VPS13B: variants seen among roughly 807,000 people sequenced by gnomAD.
VPS13B encodes vacuolar protein sorting 13 homolog B.
A neutral mutation model predicts 426.4 loss-of-function variants in VPS13B; 285 were observed. That is an observed-to-expected ratio of 0.67 (90% CI 0.61 to 0.74). The LOEUF is 0.74. Among genes scored for constraint, VPS13B ranks in the 30% least tolerant of loss-of-function variants. The pLI, the probability that VPS13B is intolerant of heterozygous loss-of-function variation, is 0.00. For synonymous variants in VPS13B, 1,676 were observed against 1,676.4 expected, an observed-to-expected ratio of 1.00 and a Z score of 0.01; for missense variants, 4,537 against 4,782.6, an observed-to-expected ratio of 0.95 and a Z score of 1.51.
intron 3 of VPS13B, among the ~76,000 whole-genome samples, chr8:99,076,463 C>T (rs1779414580): frequency 1.3e-5 from 2 of 152,056 alleles, no homozygotes; most frequent in Admixed American, 6.5e-5. Flanking sequence ...TATTCAAATG[C>T]CCCACTATTA....
intron 44 of VPS13B, among the ~76,000 whole-genome samples, chr8:99,813,730 T>C (rs1813861653): frequency 6.6e-6 from 1 of 152,224 alleles, no homozygotes; most frequent in African/African-American, 2.4e-5. Context: ...AATAAGCAGA[T>C]AGTTGAGAAA....
chr8:99,790,085 A>G (rs1812467178), intron 43 of VPS13B, among the ~76,000 whole-genome samples: 1 of 152,166 alleles, frequency 6.6e-6, no homozygotes, highest in East Asian at 1.9e-4. Context: ...GTGTAATGAT[A>G]TATCAAGAGT....
intron 39 of VPS13B, 128 bp downstream of exon 39, chr8:99,721,175 G>A (rs999995909): frequency 4.8e-5 from 45 of 938,700 alleles, no homozygotes; most frequent in Non-Finnish European, 6.8e-5. Flanking sequence ...ACATCTGTGT[G>A]TGTGGTGTGT....
rs530313675 is a variant in VPS13B, at chr8:99,153,890, A to AT, written c.2014-2648dup. On this transcript the variant is annotated intron_variant, in intron 14 of 61. Coordinates refer to ENST00000357162, the MANE Select transcript of VPS13B (RefSeq NM_152564.5). ...GATATACTGGAAACAAATTCTCTGAATTTTTTTTTTTGTCTGAGAAAGTCT... is the reference window on the plus strand; with the variant it reads ...GATATACTGGAAACAAATTCTCTGAATTTTTTTTTTTTGTCTGAGAAAGTCT... Among the ~76,000 whole-genome samples, 1,275 of 146,354 alleles carry AT rather than the reference A, an allele frequency of 8.7e-3. 14 individuals carry two copies. The highest frequency in any genetic ancestry group is 0.027 in the African/African-American group (1,102 of 40,114).
At position 99,766,970 on chromosome 8, in the gene VPS13B, G is replaced by A. The variant is rs1811258143; in HGVS notation, c.7247G>A (p.Ser2416Asn). 2 of 1,613,260 alleles carry A rather than the reference G, an allele frequency of 1.2e-6. No individual in the cohort carries two copies. The highest frequency in any genetic ancestry group is 1.3e-5 in the African/African-American group (1 of 74,850). The change falls in exon 40 of 62, where the codon AGC (serine) becomes AAC (asparagine). Residue 2416 changes from serine (S) to asparagine (N), a missense_variant and splice_region_variant. This residue lies in a region of VPS13B where 4,311 missense variants were observed against 4,474.3 expected (regional missense o/e 0.96). Transcript: ENST00000357162. ...NSSQNGADDQ[S>N]SASESGSQST... is the part of the protein sequence containing the mutation. Reference sequence around the variant, plus strand: ...AGTCAAAATGGAGCTGATGACCAAAGGTAATTCATTGAAAGATGATATGGT... The same window carrying A: ...AGTCAAAATGGAGCTGATGACCAAAAGTAATTCATTGAAAGATGATATGGT...
chr8:99,324,672 A>G lies in VPS13B; in HGVS notation c.2824+49418A>G, dbSNP rs185444488. Among the ~76,000 whole-genome samples the G allele has an allele frequency of 6.3e-3, 964 of 152,332 alleles. 8 individuals are homozygous for G. The highest frequency in any genetic ancestry group is 0.022 in the African/African-American group (905 of 41,576). On this transcript the variant is annotated intron_variant, in intron 19 of 61. Coordinates refer to ENST00000357162, the MANE Select transcript of VPS13B (RefSeq NM_152564.5). ...TATATAGCTGTTTAATTTAAAGGGT[A>G]TCAATTGTAAGATATGTTTTCAACA... is the stretch of plus-strand genomic sequence containing the variant.
chr8:99,601,629 G>T (rs1319954099), intron 33 of VPS13B, among the ~76,000 whole-genome samples: 1 of 152,120 alleles, frequency 6.6e-6, no homozygotes, highest in African/African-American at 2.4e-5. Context: ...GTGTAAAATT[G>T]TTTCTATTTC....
Position 99,391,644 on chromosome 8 carries a change from CA to C in VPS13B, c.3023del (p.Gln1008ArgfsTer14). 2 of 1,614,170 alleles carry C rather than the reference CA, an allele frequency of 1.2e-6. No homozygotes were observed. Among genetic ancestry groups the C allele is most frequent in the Non-Finnish European group, 1.7e-6 (2 of 1,180,028 alleles). On this transcript the variant is annotated frameshift_variant, in exon 21 of 62. Transcript: ENST00000357162. LOFTEE classifies it high-confidence loss of function. ...VSIGSAPLAK[Q>X]QSYQASEYAS... Reference sequence around the variant, plus strand: ...TATTGGAAGTGCCCCCTTGGCAAAGCAGCAATCATATCAGGCCTCTGAATAT... The same window carrying C: ...TATTGGAAGTGCCCCCTTGGCAAAGCGCAATCATATCAGGCCTCTGAATAT...
At chr8:99,199,342 T>C (rs1814156037) in intron 17 of VPS13B, among the ~76,000 whole-genome samples, 1 of 151,330 alleles carries the variant, frequency 6.6e-6, no homozygotes, top group African/African-American at 2.4e-5. Flanking sequence ...CGGCTAAGAT[T>C]TTGTATTTTT....
At chr8:99,457,570 C>CT (rs553489983) in intron 23 of VPS13B, among the ~76,000 whole-genome samples, 18 of 150,994 alleles carry the variant, frequency 1.2e-4, no homozygotes, top group East Asian at 3.9e-4. Flanking sequence ...TTTTTTCTAT[C>CT]TTTTTTTTCA....
intron 55 of VPS13B, among the ~76,000 whole-genome samples, chr8:99,850,787 T>G (rs893490533): frequency 3.3e-5 from 5 of 152,016 alleles, no homozygotes; most frequent in African/African-American, 1.2e-4. Flanking sequence ...TTAGCCAGGC[T>G]TGGTGGTAGG....
rs369198102 is a variant in VPS13B, at chr8:99,384,211, C to T, written c.2828C>T (p.Ala943Val). 1 of 1,613,350 alleles carries T rather than the reference C, an allele frequency of 6.2e-7. No individual in the cohort carries two copies. The highest frequency in any genetic ancestry group is 2.2e-5 in the East Asian group (1 of 44,838). ...GTTTAAAAATCTTGTCTTTTAGGTGCTGTACTTCTTTGCAGTATACAAGGA... is the reference window on the plus strand; with the variant it reads ...GTTTAAAAATCTTGTCTTTTAGGTGTTGTACTTCTTTGCAGTATACAAGGA... Reference protein sequence around the residue: ...QYIDYCHNSGAVLLCSIQGLA... With the variant: ...QYIDYCHNSGVVLLCSIQGLA... The change falls in exon 20 of 62, where the codon GCT becomes GTT. Residue 943 changes from alanine to valine, a missense_variant. Around this residue, in one of 2 missense-constraint regions of VPS13B, gnomAD observed 4,311 missense variants for 4,474.3 expected, o/e 0.96. Coordinates refer to ENST00000357162, the MANE Select transcript of VPS13B (RefSeq NM_152564.5).
intron 17 of VPS13B, among the ~76,000 whole-genome samples, chr8:99,205,306 G>C (rs771099372): frequency 1.1e-4 from 16 of 151,968 alleles, no homozygotes; most frequent in Middle Eastern, 3.2e-3. Context: ...CTGAACAATG[G>C]AAACACATGG....
At position 99,876,229 on chromosome 8, in the gene VPS13B, T is replaced by C. The variant is rs1817695799; in HGVS notation, c.*563T>C. On this transcript the variant is annotated 3_prime_UTR_variant, in exon 62 of 62. Transcript: ENST00000357162. The stretch of plus-strand genomic sequence containing the variant: ...TCATGCTCCTTTGTCTGCAAAGGCC[T>C]AGGATTCTTTCTTTAAATGAAATGC... The C allele has an allele frequency of 6.3e-6, 1 of 158,910 alleles. No homozygotes were observed. Among genetic ancestry groups the C allele is most frequent in the Non-Finnish European group, 1.4e-5 (1 of 71,780 alleles). 9.8% of individuals were successfully genotyped at this position (158,910 alleles called of 1,614,324 possible). A position where few individuals can be genotyped will look rare whatever the true frequency, so the allele number is the denominator to read the frequency against.
chr8:99,103,996 A>G (rs1489236841), intron 5 of VPS13B, among the ~76,000 whole-genome samples: 1 of 152,150 alleles, frequency 6.6e-6, no homozygotes, highest in Admixed American at 6.5e-5. Context: ...TGCTTGTTTC[A>G]AATGTGATGT....
intron 25 of VPS13B, among the ~76,000 whole-genome samples, chr8:99,491,506 C>G (rs1462814790): frequency 6.6e-6 from 1 of 152,184 alleles, no homozygotes; most frequent in African/African-American, 2.4e-5. Flanking sequence ...ACCAATCAAA[C>G]ATAGATTTGG....
chr8:99,212,649 A>G (rs1245371251), intron 17 of VPS13B, among the ~76,000 whole-genome samples: 2 of 73,494 alleles, frequency 2.7e-5, no homozygotes, highest in African/African-American at 1.1e-4. Flanking sequence ...AAGCTGATCT[A>G]AGGTGGTCTT....
chr8:99,149,268 T>G (rs1195243796), intron 14 of VPS13B, among the ~76,000 whole-genome samples: 1 of 152,262 alleles, frequency 6.6e-6, no homozygotes, highest in Non-Finnish European at 1.5e-5. Context: ...ATGGTCCATA[T>G]ACAATGTATT....
At position 99,117,937 on chromosome 8, in the gene VPS13B, CTT is replaced by C. The variant is rs1347774366; in HGVS notation, c.937+2065_937+2066del. 7.9e-5 allele frequency among the ~76,000 whole-genome samples: 12 copies of C among 152,112 alleles called. 1 individual carries two copies. Among genetic ancestry groups the C allele is most frequent in the African/African-American group, 2.6e-4 (11 of 41,516 alleles). On this transcript the variant is annotated intron_variant, in intron 7 of 61. Transcript: ENST00000357162. ...AATGTTGAATTTTATGCTATTTAAACTTTATCTCATTAAAAAAATCTTACTAC... is the reference window on the plus strand; with the variant it reads ...AATGTTGAATTTTATGCTATTTAAACTATCTCATTAAAAAAATCTTACTAC...
Sources: gnomAD v4.1 joint callset for allele counts (sites outside exome capture counted in the v4.1 genomes callset) on GRCh38, gnomAD v4.1.1 for gene constraint, gnomAD v4.1.1 regional missense constraint, MANE v1.5 for transcripts, NCBI Gene and HGNC (gene_info 2026-07-23, HGNC 2026-07-21) for gene names.